The following TSHB variants were observed in gnomAD, a reference collection of about 807,000 sequenced individuals.
TSHB encodes the protein thyrotropin subunit beta.
A neutral mutation model predicts 9.3 loss-of-function variants in TSHB; 9 were observed. That is an observed-to-expected ratio of 0.97 (90% confidence interval 0.58 to 1.69). The LOEUF (loss-of-function observed/expected upper bound fraction) is 1.69. TSHB is among the 40% of genes most tolerant of loss of function. The pLI is 0.00. For synonymous variants in TSHB, 57 were observed against 57.2 expected (o/e 1.00, Z 0.01); for missense variants, 182 against 168.5 (o/e 1.08, Z -0.44).
intron 1 of TSHB, among the ~76,000 whole-genome samples, chr1:115,031,232 C>T (rs752012178): frequency 3.4e-4 from 52 of 151,932 alleles, no homozygotes; most frequent in Non-Finnish European, 3.1e-4. Flanking sequence ...GATACTGTGG[C>T]TGGTAATTCA....
chr1:115,031,160 C>T (rs902745561), intron 1 of TSHB, among the ~76,000 whole-genome samples: 5 of 151,888 alleles, frequency 3.3e-5, no homozygotes, highest in Admixed American at 2.0e-4. Flanking sequence ...TTTTACTATT[C>T]GCAATAAAGA....
Position 115,033,955 on chromosome 1 carries a change from T to C in TSHB, c.163-18T>C. 2 of 1,612,476 alleles carry C rather than the reference T, an allele frequency of 1.2e-6. No individual in the cohort carries two copies. The highest frequency in any genetic ancestry group is 2.2e-5 in the South Asian group (2 of 91,068). On this transcript the variant is annotated intron_variant, in intron 2 of 2. Coordinates refer to ENST00000256592, the MANE Select transcript of TSHB (RefSeq NM_000549.5). ...AAAGTCCTGTCACATTATGCTCTCT[T>C]TTCTGTTCTTTCCCCAGGATATCAA...
chr1:115,032,381 G>A (rs965123848), intron 1 of TSHB, among the ~76,000 whole-genome samples: 11 of 152,132 alleles, frequency 7.2e-5, no homozygotes, highest in Admixed American at 4.6e-4. Context: ...TAAAGATGCT[G>A]TTGGGATATA....
chr1:115,034,291 T>C lies in TSHB; in HGVS notation c.*64T>C, dbSNP rs41312672. ...TGAAATAAAGCTAATAAAAATATTA[T>C]GTTTCACATTATCTTCTGTTCATTT... On this transcript the variant is annotated 3_prime_UTR_variant, in exon 3 of 3. Transcript: ENST00000256592. 8,187 of 1,537,130 alleles carry C rather than the reference T, an allele frequency of 5.3e-3. 47 individuals are homozygous for C. Among genetic ancestry groups the C allele is most frequent in the Middle Eastern group, 0.021 (117 of 5,632 alleles).
chr1:115,034,056 A>G lies in TSHB; in HGVS notation c.246A>G (p.Val82=). 1 of 1,613,842 alleles carries G rather than the reference A, an allele frequency of 6.2e-7. No homozygotes were observed. The highest frequency in any genetic ancestry group is 8.5e-7 in the Non-Finnish European group (1 of 1,179,780). ...ATAGAGACTTCATCTACAGGACTGT[A>G]GAAATACCAGGATGCCCACTCCATG... ...CTYRDFIYRT[V]EIPGCPLHVA... The change falls in exon 3 of 3, where the codon GTA becomes GTG. Residue 82 remains valine, a synonymous_variant. Transcript: ENST00000256592.
At chr1:115,033,056 T>C (rs992775790) in intron 1 of TSHB, among the ~76,000 whole-genome samples, 1 of 151,676 alleles carries the variant, frequency 6.6e-6, no homozygotes, top group African/African-American at 2.4e-5. Flanking sequence ...TACATACCTG[T>C]TCTGTGTAAA....
In TSHB at chr1:115,033,529, G is replaced by A. The variant is rs868637545; in HGVS notation, c.162+5G>A. The A allele has an allele frequency of 1.2e-5, 20 of 1,611,416 alleles. No individual in the cohort carries two copies. Among genetic ancestry groups the A allele is most frequent in the Non-Finnish European group, 1.6e-5 (19 of 1,177,756 alleles). ...GCTGGATATTGTATGACACGGGTAT[G>A]TAGTTCATGTCACTTCTTTTGGCTG... On this transcript the variant is annotated splice_donor_5th_base_variant and intron_variant, in intron 2 of 2. Coordinates refer to ENST00000256592, the MANE Select transcript of TSHB (RefSeq NM_000549.5).
At chr1:115,031,748 T>A (rs189740569) in intron 1 of TSHB, among the ~76,000 whole-genome samples, 1 of 152,096 alleles carries the variant, frequency 6.6e-6, no homozygotes, top group Non-Finnish European at 1.5e-5. Context: ...TAGAGGGAGC[T>A]CACATTTGAG....
At position 115,034,079 on chromosome 1, in the gene TSHB, A is replaced by G. The variant is rs573727472; in HGVS notation, c.269A>G (p.His90Arg). The change falls in exon 3 of 3, where the codon CAT (histidine) becomes CGT (arginine). Residue 90 changes from histidine (H) to arginine (R), a missense_variant. Coordinates refer to ENST00000256592, the MANE Select transcript of TSHB (RefSeq NM_000549.5). Reference protein sequence around the residue: ...RTVEIPGCPLHVAPYFSYPVA... With the variant: ...RTVEIPGCPLRVAPYFSYPVA... ...GTAGAAATACCAGGATGCCCACTCC[A>G]TGTTGCTCCCTATTTTTCCTATCCT... 6.2e-7 allele frequency: 1 copy of G among 1,613,796 alleles called. No individual in the cohort carries two copies. The highest frequency in any genetic ancestry group is 8.5e-7 in the Non-Finnish European group (1 of 1,179,788).
chr1:115,033,288 G>A, intron 1 of TSHB, 74 bp from the exon 2 acceptor site: 1 of 1,428,176 alleles, frequency 7.0e-7, no homozygotes. Context: ...CTGAAGTTTG[G>A]TTATACTTTT....
intron 2 of TSHB, 170 bp from the exon 3 acceptor site, chr1:115,033,803 T>C (rs183635697): frequency 4.8e-6 from 2 of 415,650 alleles, no homozygotes; most frequent in African/African-American, 4.3e-5. Context: ...CACTTTTGTC[T>C]CTGTAGAATT....
intron 1 of TSHB, among the ~76,000 whole-genome samples, chr1:115,031,251 A>G (rs1469985060): frequency 6.6e-6 from 1 of 151,914 alleles, no homozygotes; most frequent in African/African-American, 2.4e-5. Flanking sequence ...CAGCACTTCC[A>G]TTTTCTACTT....
intron 2 of TSHB, 30 bp downstream of exon 2, chr1:115,033,554 G>A (rs12732821): frequency 0.066 from 104,583 of 1,586,754 alleles, 4,035 homozygotes; most frequent in Non-Finnish European, 0.075. Context: ...TCTTTTGGCT[G>A]TAAATTATAT....
At chr1:115,031,330 G>C (rs746134598) in intron 1 of TSHB, among the ~76,000 whole-genome samples, 28 of 152,038 alleles carry the variant, frequency 1.8e-4, no homozygotes, top group Non-Finnish European at 3.4e-4. Flanking sequence ...TAGTTAGTAT[G>C]ACAATAGGAA....
At chr1:115,030,533 T>C (rs1674873744) in intron 1 of TSHB, among the ~76,000 whole-genome samples, 1 of 151,822 alleles carries the variant, frequency 6.6e-6, no homozygotes, top group Admixed American at 6.6e-5. Flanking sequence ...AATGAAGCAT[T>C]GGGAGCAAAA....
chr1:115,029,983 G>A (rs573351184), intron 1 of TSHB, 123 bp downstream of exon 1: 353 of 152,526 alleles, frequency 2.3e-3, no homozygotes, highest in Non-Finnish European at 3.9e-3. Flanking sequence ...GCTTCAACAG[G>A]CTGTAATATC....
rs932215063 is a variant in TSHB, at chr1:115,032,118, G to A, written c.-1-1244G>A. On this transcript the variant is annotated intron_variant, in intron 1 of 2. Coordinates refer to ENST00000256592, the MANE Select transcript of TSHB (RefSeq NM_000549.5). ...TTAGGTAAAGGACCGTAGCTTTTCC[G>A]TTTGTGTTTGTCAGTGCCTGGTTCA... 2.0e-5 allele frequency among the ~76,000 whole-genome samples: 3 copies of A among 151,912 alleles called. No individual in the cohort carries two copies. The South Asian group carries it at 6.2e-4, about 32-fold the overall frequency.
rs1222226004 is a variant in TSHB, at chr1:115,034,162, GA to G, written c.354del (p.Ala119ProfsTer16). The G allele has an allele frequency of 3.1e-6, 5 of 1,613,810 alleles. No homozygotes were observed. The highest frequency in any genetic ancestry group is 4.2e-6 in the Non-Finnish European group (5 of 1,179,802). ...TACTGACTATAGTGACTGCATACAT[GA>G]AGCCATCAAGACAAACTACTGTACC... ...CNTDYSDCIHEAIKTNYCTKP... is the reference protein window; with the variant it reads ...CNTDYSDCIHXAIKTNYCTKP... On this transcript the variant is annotated frameshift_variant, in exon 3 of 3. Coordinates refer to ENST00000256592, the MANE Select transcript of TSHB (RefSeq NM_000549.5). LOFTEE classifies it high-confidence loss of function.
In TSHB at chr1:115,034,053, T is replaced by C. The variant is rs373024530; in HGVS notation, c.243T>C (p.Thr81=). The change falls in exon 3 of 3, where the codon ACT becomes ACC. Residue 81 remains threonine (T), a synonymous_variant. Transcript: ENST00000256592. ...CATATAGAGACTTCATCTACAGGAC[T>C]GTAGAAATACCAGGATGCCCACTCC... ...VCTYRDFIYR[T]VEIPGCPLHV... The C allele has an allele frequency of 7.4e-5, 120 of 1,613,764 alleles. No homozygotes were observed. The highest frequency in any genetic ancestry group is 9.7e-5 in the Non-Finnish European group (115 of 1,179,798).
Sources: allele counts gnomAD v4.1 joint callset (sites outside exome capture counted in the v4.1 genomes callset), GRCh38; gene constraint gnomAD v4.1.1; transcripts MANE v1.5; gene names NCBI Gene and HGNC (gene_info 2026-07-23, HGNC 2026-07-21).